ANK2: variants seen among roughly 807,000 people sequenced by gnomAD.
The protein encoded by ANK2 is ankyrin 2.
A neutral mutation model predicts 360.5 loss-of-function variants in ANK2; 83 were observed. The ratio of observed to expected loss-of-function variants is 0.23; its 90% CI spans 0.19 to 0.28. ANK2 has a LOEUF of 0.28. Among genes scored for constraint, ANK2 ranks in the 10% least tolerant of loss-of-function variants. The pLI, the probability that ANK2 is intolerant of heterozygous loss-of-function variation, is 1.00. For missense variants in ANK2, 4,201 were observed against 4,795.7 expected, an observed-to-expected ratio of 0.88 and a Z score of 3.66; for synonymous variants, 1,740 against 1,759.5, an observed-to-expected ratio of 0.99 and a Z score of 0.28.
chr4:113,246,323 A>G (rs1222178654), intron 9 of ANK2, among the ~76,000 whole-genome samples: 1 of 152,128 alleles, frequency 6.6e-6, no homozygotes, highest in African/African-American at 2.4e-5. Context: ...AATATTACCC[A>G]CAGTTATTTC....
intron 24 of ANK2, among the ~76,000 whole-genome samples, chr4:113,315,264 C>A (rs1373761274): frequency 1.3e-5 from 2 of 152,166 alleles, no homozygotes; most frequent in African/African-American, 4.8e-5. Context: ...GCCCAATGGG[C>A]TCTTTAATAC....
At chr4:112,860,435 C>G (rs1036282593) in intron 1 of ANK2, among the ~76,000 whole-genome samples, 4 of 152,040 alleles carry the variant, frequency 2.6e-5, no homozygotes, top group Non-Finnish European at 4.4e-5. Flanking sequence ...CCATGTTGGT[C>G]AGGCTGGTCT....
intron 4 of ANK2, among the ~76,000 whole-genome samples, chr4:113,202,831 T>G (rs2098851553): frequency 6.6e-6 from 1 of 152,252 alleles, no homozygotes; most frequent in Non-Finnish European, 1.5e-5. Flanking sequence ...GAACACCAGC[T>G]GGATCAACTT....
intron 4 of ANK2, among the ~76,000 whole-genome samples, chr4:113,221,400 C>T (rs1047814232): frequency 6.6e-6 from 1 of 152,114 alleles, no homozygotes; most frequent in African/African-American, 2.4e-5. Context: ...TGGCTCACAT[C>T]TGCAATACCA....
At chr4:113,045,073 A>G (rs2063928443), upstream of ANK2, among the ~76,000 whole-genome samples, 1 of 152,186 alleles carries the variant, frequency 6.6e-6, no homozygotes, top group Non-Finnish European at 1.5e-5. Context: ...CTTGACTCAC[A>G]AATGGAGATA....
intron 11 of ANK2, 117 bp downstream of exon 11, chr4:113,256,049 T>A (rs1189921479): frequency 8.0e-7 from 1 of 1,255,484 alleles, no homozygotes; most frequent in Non-Finnish European, 1.1e-6. Context: ...TTAATCCTGC[T>A]AAATTTGTCA....
In ANK2 at chr4:113,196,425, G is replaced by A; in HGVS notation, c.244G>A (p.Glu82Lys). ...AKEGHVGLVQ[E>K]LLGRGSSVDS... Reference sequence around the variant, plus strand: ...GGAAGGCCACGTGGGGCTGGTGCAGGAGCTGCTGGGAAGAGGGTCCTCTGT... The same window carrying A: ...GGAAGGCCACGTGGGGCTGGTGCAGAAGCTGCTGGGAAGAGGGTCCTCTGT... The change falls in exon 3 of 46, where the codon GAG becomes AAG. Residue 82 changes from glutamate (E) to lysine (K), a missense_variant. By Grantham distance (56) the Glu-to-Lys change is moderately conservative. Transcript: ENST00000357077. 1 of 1,613,662 alleles carries A rather than the reference G, an allele frequency of 6.2e-7. No individual in the cohort carries two copies.
chr4:112,986,090 CAA>C (rs754249018), intron 2 of ANK2, among the ~76,000 whole-genome samples: 35,849 of 144,546 alleles, frequency 0.25, 4,642 homozygotes, highest in East Asian at 0.44. Flanking sequence ...ATATATAATC[CAA>C]TATATAGTAT....
At chr4:113,058,397 T>C (rs1239270013) in intron 1 of ANK2, among the ~76,000 whole-genome samples, 1 of 152,154 alleles carries the variant, frequency 6.6e-6, no homozygotes, top group Non-Finnish European at 1.5e-5. Context: ...GTAATTCTAA[T>C]ATTTGACAAC....
chr4:113,246,042 C>T (rs952487005), intron 9 of ANK2, among the ~76,000 whole-genome samples: 3 of 152,138 alleles, frequency 2.0e-5, no homozygotes, highest in African/African-American at 4.8e-5. Context: ...GTGATCTGCC[C>T]GCCTTGGCCT....
chr4:113,015,942 C>G (rs1240279274), intron 2 of ANK2, among the ~76,000 whole-genome samples: 1 of 151,996 alleles, frequency 6.6e-6, no homozygotes, highest in Admixed American at 6.6e-5. Context: ...ATTGGCAAAA[C>G]ATACACAAAC....
rs929422109 is a variant in ANK2, at chr4:112,885,489, A to G, written c.-39-18966A>G. ...ACTCCATCCTGGGCAACAGGGCAAGACTCCATCAAAAAAAAAAAAAAAATT... is the reference window on the plus strand; with the variant it reads ...ACTCCATCCTGGGCAACAGGGCAAGGCTCCATCAAAAAAAAAAAAAAAATT... On this transcript the variant is annotated intron_variant, in intron 1 of 30. Coordinates refer to the ANK2 transcript ENST00000503271. Among the ~76,000 whole-genome samples the G allele has an allele frequency of 7.0e-5, 7 of 99,430 alleles. No homozygotes were observed. In the Admixed American group the frequency reaches 8.7e-4, roughly 12 times the overall value. 65.2% of individuals were successfully genotyped at this position (99,430 alleles called of 152,430 possible).
intron 17 of ANK2, among the ~76,000 whole-genome samples, chr4:113,281,748 C>G (rs2062465986): frequency 6.6e-6 from 1 of 151,802 alleles, no homozygotes; most frequent in African/African-American, 2.4e-5. Context: ...ACATTTTTTT[C>G]TTTTAACTAA....
intron 2 of ANK2, among the ~76,000 whole-genome samples, chr4:112,917,914 A>G (rs2090368792): frequency 1.3e-5 from 2 of 152,198 alleles, no homozygotes; most frequent in Non-Finnish European, 2.9e-5. Context: ...GGGAAACAAT[A>G]ATATAATTTG....
chr4:112,901,840 G>T (rs1320610632), intron 1 of ANK2, among the ~76,000 whole-genome samples: 1 of 151,288 alleles, frequency 6.6e-6, no homozygotes, highest in African/African-American at 2.4e-5. Flanking sequence ...ACTCCAGCCT[G>T]GGCGACAGAG....
the ANK2 span, among the ~76,000 whole-genome samples, chr4:112,730,868 C>T: frequency 3.1e-4 from 47 of 150,434 alleles, no homozygotes; most frequent in Middle Eastern, 3.5e-3. Flanking sequence ...AGAGCAGGCG[C>T]GGTGGCTACG....
At chr4:113,378,716 G>A (rs3733618) in intron 45 of ANK2, among the ~76,000 whole-genome samples, 3,710 of 152,282 alleles carry the variant, frequency 0.024, 116 homozygotes, top group East Asian at 0.13. Flanking sequence ...GGGCTTTAAT[G>A]AGTTAAGCAA....
intron 29 of ANK2, among the ~76,000 whole-genome samples, chr4:113,335,197 G>A (rs1005773457): frequency 6.6e-6 from 1 of 152,006 alleles, no homozygotes; most frequent in Non-Finnish European, 1.5e-5. Flanking sequence ...CCATCCTCTT[G>A]ATGTTAAATG....
rs2096348187 is a variant in ANK2, at chr4:113,363,435, G to C, written c.10854G>C (p.Lys3618Asn). ...AAGACCAGAGTCATGCACTGTTGAA[G>C]TACTGGCTAGAGAGGGATGGGAAAC... ...SLQDQSHALL[K>N]YWLERDGKHA... Residue 3618 changes from lysine to asparagine, a missense_variant, in exon 40 of 46, where the codon AAG becomes AAC. Coordinates refer to ENST00000357077, the MANE Select transcript of ANK2 (RefSeq NM_001148.6). The C allele has an allele frequency of 6.2e-7, 1 of 1,613,566 alleles. No individual in the cohort carries two copies. Among genetic ancestry groups the C allele is most frequent in the African/African-American group, 1.3e-5 (1 of 75,000 alleles).
Sources: allele counts gnomAD v4.1 joint callset (sites outside exome capture counted in the v4.1 genomes callset), GRCh38; gene constraint gnomAD v4.1.1; transcripts MANE v1.5; gene names NCBI Gene and HGNC (gene_info 2026-07-23, HGNC 2026-07-21).